The following WDR70 variants were observed in gnomAD, a reference collection of about 807,000 sequenced individuals.
The protein encoded by WDR70 is WD repeat domain 70, also known as WD repeat-containing protein 70.
A neutral mutation model predicts 88.6 loss-of-function variants in WDR70; 53 were observed. The observed-to-expected ratio is 0.60, with a 90% CI of 0.48 to 0.75. The LOEUF is 0.75. Among genes scored for constraint, WDR70 ranks in the 30% least tolerant of loss-of-function variants. The pLI is 0.00. For synonymous variants in WDR70, 280 were observed against 270.0 expected (o/e 1.04, Z -0.36); for missense variants, 610 against 823.2 (o/e 0.74, Z 3.17).
At chr5:37,388,527 G>C (rs1246746499) in intron 3 of WDR70, among the ~76,000 whole-genome samples, 7 of 147,138 alleles carry the variant, frequency 4.8e-5, no homozygotes, top group Admixed American at 6.8e-5. Context: ...ATTGCTTGAG[G>C]CCAGGAGTTC....
In WDR70 at chr5:37,483,811, G is replaced by A. The variant is rs1333387164; in HGVS notation, c.840+3824G>A. On this transcript the variant is annotated intron_variant, in intron 8 of 17. Coordinates refer to ENST00000265107, the MANE Select transcript of WDR70 (RefSeq NM_018034.4). ...TCCCTCCCGGACGGGGCGGCTGGCC[G>A]GGCAGAGGGGCTCCTCACTTCTCAG... Among the ~76,000 whole-genome samples the A allele has an allele frequency of 1.1e-4, 16 of 151,956 alleles. 1 individual carries two copies. In the East Asian group the frequency reaches 1.2e-3, roughly 11 times the overall value.
chr5:37,752,227 A>G (rs1196419776), intron 17 of WDR70, among the ~76,000 whole-genome samples: 1 of 152,116 alleles, frequency 6.6e-6, no homozygotes, highest in East Asian at 1.9e-4. Flanking sequence ...ATGCATTTTC[A>G]TTTTATTTAA....
At chr5:37,751,875 A>G (rs1748823728) in intron 17 of WDR70, among the ~76,000 whole-genome samples, 1 of 152,216 alleles carries the variant, frequency 6.6e-6, no homozygotes, top group African/African-American at 2.4e-5. Flanking sequence ...GTGTGGCAGT[A>G]TTACAGCCAT....
chr5:37,605,094 AAAG>A lies in WDR70; in HGVS notation c.952_954del (p.Lys318del). On this transcript the variant is annotated inframe_deletion, in exon 10 of 18. Coordinates refer to ENST00000265107, the MANE Select transcript of WDR70 (RefSeq NM_018034.4). Reference sequence around the variant, plus strand: ...TGAGGACGTGGGAAGTTGAAAATCCAAAGAAGCAAAAAAGTGTGTTTAAACCAC... The same window carrying A: ...TGAGGACGTGGGAAGTTGAAAATCCAAAGCAAAAAAGTGTGTTTAAACCAC... 6.2e-7 allele frequency: 1 copy of A among 1,612,462 alleles called. No individual in the cohort carries two copies. Among genetic ancestry groups the A allele is most frequent in the Admixed American group, 1.7e-5 (1 of 59,950 alleles).
intron 9 of WDR70, among the ~76,000 whole-genome samples, chr5:37,556,959 A>C (rs902316632): frequency 1.6e-4 from 25 of 152,208 alleles, no homozygotes; most frequent in African/African-American, 6.0e-4. Flanking sequence ...TGTTTCATCC[A>C]AATTAGTATT....
rs767869599 is a variant in WDR70 at position 37,391,882 on chromosome 5, T to G, written c.176-118T>G. ...GTGGTTGATAATTTTTTGCTGTTACTGCTAACACTCTAAGTTATATCTTTG... is the reference window on the plus strand; with the variant it reads ...GTGGTTGATAATTTTTTGCTGTTACGGCTAACACTCTAAGTTATATCTTTG... On this transcript the variant is annotated intron_variant, in intron 3 of 17. Transcript: ENST00000265107. The G allele has an allele frequency of 2.8e-4, 329 of 1,166,180 alleles. 1 individual carries two copies. Among genetic ancestry groups the G allele is most frequent in the Non-Finnish European group, 3.5e-4 (298 of 855,790 alleles). The allele number at this position is 1,166,180 out of a possible 1,614,324, so 72.2% of individuals were successfully genotyped here. A position where few individuals can be genotyped will look rare whatever the true frequency, so the allele number is the denominator to read the frequency against.
rs74458055 is a variant in WDR70 at position 37,741,683 on chromosome 5, G to A, written c.1878-10803G>A. On this transcript the variant is annotated intron_variant, in intron 17 of 17. Coordinates refer to ENST00000265107, the MANE Select transcript of WDR70 (RefSeq NM_018034.4). ...CTCACTCGCCCACTGCTCATCTCAT[G>A]CTGGGCAGCTCAGTTCCTAACAGGC... Among the ~76,000 whole-genome samples, 1,497 of 152,292 alleles carry A rather than the reference G, an allele frequency of 9.8e-3. 24 individuals carry two copies. Among genetic ancestry groups the A allele is most frequent in the African/African-American group, 0.034 (1,395 of 41,562 alleles).
rs190642704 is a variant in WDR70 at position 37,444,849 on chromosome 5, A to G, written c.686+1477A>G. 8.6e-3 allele frequency among the ~76,000 whole-genome samples: 1,313 copies of G among 152,250 alleles called. 18 individuals carry two copies. The highest frequency in any genetic ancestry group is 0.03 in the African/African-American group (1,250 of 41,552). Reference sequence around the variant, plus strand: ...TGAAACTGTTCTATCTCAGATCATCAGGCATTAGATTCTAATATGGATTGT... The same window carrying G: ...TGAAACTGTTCTATCTCAGATCATCGGGCATTAGATTCTAATATGGATTGT... On this transcript the variant is annotated intron_variant, in intron 7 of 17. Coordinates refer to ENST00000265107, the MANE Select transcript of WDR70 (RefSeq NM_018034.4).
chr5:37,605,151 C>T lies in WDR70; in HGVS notation c.1005C>T (p.Pro335=), dbSNP rs776153730. The T allele has an allele frequency of 4.3e-6, 7 of 1,613,318 alleles. No homozygotes were observed. The South Asian group carries it at 7.7e-5, about 18-fold the overall frequency. Residue 335 remains proline, a synonymous_variant, in exon 10 of 18, where the codon CCC becomes CCT. Coordinates refer to ENST00000265107, the MANE Select transcript of WDR70 (RefSeq NM_018034.4). ...PRTMQGKKVI[P]TTCTYSRDGN... Reference sequence around the variant, plus strand: ...CGATGCAAGGCAAAAAAGTCATTCCCACTACGTGCACATATAGTAGAGATG... The same window carrying T: ...CGATGCAAGGCAAAAAAGTCATTCCTACTACGTGCACATATAGTAGAGATG...
At chr5:37,424,575 TTTTA>T (rs1750063630) in intron 5 of WDR70, among the ~76,000 whole-genome samples, 1 of 151,746 alleles carries the variant, frequency 6.6e-6, no homozygotes, top group African/African-American at 2.4e-5. Flanking sequence ...CGGCTAATTT[TTTTA>T]TTTTCGTTTT....
At position 37,432,857 on chromosome 5, in the gene WDR70, C is replaced by G. The variant is rs7727710; in HGVS notation, c.493-5065C>G. Among the ~76,000 whole-genome samples the G allele has an allele frequency of 7.4e-3, 1,123 of 152,206 alleles. 17 individuals carry two copies. Among genetic ancestry groups the G allele is most frequent in the African/African-American group, 0.025 (1,057 of 41,542 alleles). On this transcript the variant is annotated intron_variant, in intron 5 of 17. Transcript: ENST00000265107. ...GGATTATAGGCGTGAGCCACCGCAC[C>G]CGGCCTTTTGCTCATTTTAAAATGA...
chr5:37,572,722 A>G (rs1043335707), intron 9 of WDR70, among the ~76,000 whole-genome samples: 4 of 152,178 alleles, frequency 2.6e-5, no homozygotes, highest in African/African-American at 7.2e-5. Context: ...AATGCATTCA[A>G]CTGCCTGAGT....
intron 7 of WDR70, among the ~76,000 whole-genome samples, chr5:37,459,278 T>C (rs1334647039): frequency 1.0e-5 from 1 of 97,068 alleles, no homozygotes; most frequent in African/African-American, 3.1e-5. Flanking sequence ...AGGTGTGGTG[T>C]GGTGCTGAAA....
At position 37,384,127 on chromosome 5, in the gene WDR70, C is replaced by T. The variant is rs560314001; in HGVS notation, c.175+2442C>T. Among the ~76,000 whole-genome samples, 59 of 150,366 alleles carry T rather than the reference C, an allele frequency of 3.9e-4. No homozygotes were observed. The South Asian group carries it at 0.012, about 32-fold the overall frequency. On this transcript the variant is annotated intron_variant, in intron 3 of 17. Transcript: ENST00000265107. ...AGATACCTGTAAGAGATAGGAAAAA[C>T]CAAGTTGTTTCCTATCCTCTAGCAC...
chr5:37,611,781 CTT>C (rs66689730), intron 10 of WDR70, among the ~76,000 whole-genome samples: 2,606 of 126,842 alleles, frequency 0.021, 71 homozygotes, highest in African/African-American at 0.067. Flanking sequence ...TGATTTCAGC[CTT>C]TTTTTTTTTT....
At chr5:37,439,919 G>T (rs898754929) in intron 6 of WDR70, among the ~76,000 whole-genome samples, 2 of 151,468 alleles carry the variant, frequency 1.3e-5, no homozygotes, top group African/African-American at 4.9e-5. Flanking sequence ...GTTTCTGAAT[G>T]TGCACACGTA....
At chr5:37,713,649 C>G (rs1343084984) in intron 13 of WDR70, among the ~76,000 whole-genome samples, 1 of 151,414 alleles carries the variant, frequency 6.6e-6, no homozygotes, top group Non-Finnish European at 1.5e-5. Context: ...TAGGGAGAAA[C>G]ATACTTCCTC....
intron 7 of WDR70, among the ~76,000 whole-genome samples, chr5:37,464,212 C>T (rs1307004860): frequency 6.6e-6 from 1 of 152,168 alleles, no homozygotes; most frequent in Admixed American, 6.5e-5. Context: ...ACACTTCCCC[C>T]AAATGGGAGT....
intron 5 of WDR70, among the ~76,000 whole-genome samples, chr5:37,402,879 G>A (rs367864392): frequency 4.7e-5 from 7 of 149,516 alleles, no homozygotes; most frequent in African/African-American, 1.7e-4. Context: ...ACAGGTAAGA[G>A]CATGTAAAAT....
Sources: gnomAD v4.1 joint callset for allele counts (sites outside exome capture counted in the v4.1 genomes callset) on GRCh38, gnomAD v4.1.1 for gene constraint, MANE v1.5 for transcripts, NCBI Gene and HGNC (gene_info 2026-07-23, HGNC 2026-07-21) for gene names.